Variants in DACH2 observed in about 807,000 individuals in gnomAD.
The protein encoded by DACH2 is dachshund homolog 2.
Under a neutral mutation model 35.8 loss-of-function variants are expected in DACH2, and 17 were observed. The ratio of observed to expected loss-of-function variants is 0.48; its 90% CI spans 0.33 to 0.71. The LOEUF (loss-of-function observed/expected upper bound fraction) is 0.71, where lower values mean the gene tolerates loss of function less well. Ranked by LOEUF, DACH2 falls within the 30% of genes least tolerant of loss-of-function variation. DACH2 has a pLI of 0.02. For synonymous variants in DACH2, 195 were observed against 177.3 expected (o/e 1.10, Z -0.79); for missense variants, 469 against 472.7 (o/e 0.99, Z 0.07).
At chrX:86,624,060 C>CAAAAAAAAAAAAA (rs34140706) in intron 3 of DACH2, among the ~76,000 whole-genome samples, 111 of 35,751 alleles carry the variant, frequency 3.1e-3, no homozygotes, top group Non-Finnish European at 3.7e-3. Flanking sequence ...AAAAACAAAA[C>CAAAAAAAAAAAAA]AAAAAAAAAA....
chrX:86,471,580 A>T lies in DACH2; in HGVS notation c.528-42699A>T, dbSNP rs774058709. Among the ~76,000 whole-genome samples the T allele has an allele frequency of 8.1e-5, 9 of 111,451 alleles. 1 individual carries two copies. The highest frequency in any genetic ancestry group is 7.7e-4 in the Admixed American group (8 of 10,407). ...TATTAGAGCTGCATGTCTCTGAAAG[A>T]TAAATAACCACCCCAAAAGATATGG... On this transcript the variant is annotated intron_variant, in intron 2 of 11. Coordinates refer to ENST00000373125, the MANE Select transcript of DACH2 (RefSeq NM_053281.3).
At chrX:86,613,496 T>C (rs1415620948) in intron 3 of DACH2, among the ~76,000 whole-genome samples, 2 of 111,943 alleles carry the variant, frequency 1.8e-5, no homozygotes, top group East Asian at 5.6e-4. Flanking sequence ...TAAAACCAAT[T>C]ATAAATTTTT....
At chrX:86,318,095 C>A (rs1267901199) in intron 1 of DACH2, among the ~76,000 whole-genome samples, 2 of 112,324 alleles carry the variant, frequency 1.8e-5, no homozygotes, top group African/African-American at 6.5e-5. Flanking sequence ...GTTGAGAATA[C>A]TTGCAACCAG....
At chrX:86,578,924 T>C (rs2039468825) in intron 3 of DACH2, among the ~76,000 whole-genome samples, 2 of 111,634 alleles carry the variant, frequency 1.8e-5, no homozygotes, top group Admixed American at 9.5e-5. Flanking sequence ...AATCAATATA[T>C]ATATTTCTAA....
chrX:86,284,639 TCCTC>T (rs200511847), intron 1 of DACH2, among the ~76,000 whole-genome samples: 20,692 of 110,075 alleles, frequency 0.19, 2,189 homozygotes, highest in African/African-American at 0.38. Context: ...GAAGCATTCT[TCCTC>T]CCCTATTTTT....
Position 86,695,142 on chromosome X carries a change from C to T in DACH2, c.894C>T (p.Thr298=). 2.7e-6 allele frequency: 3 copies of T among 1,106,772 alleles called. No homozygotes were observed. Among genetic ancestry groups the T allele is most frequent in the Non-Finnish European group, 3.6e-6 (3 of 841,946 alleles). The allele number at this position is 1,106,772 out of a possible 1,213,427, so 91.2% of individuals were successfully genotyped here. A position where few individuals can be genotyped will look rare whatever the true frequency, so the allele number is the denominator to read the frequency against. ...AGCCAGGCATTGGGGGTGCTCCAAC[C>T]CTCAATCCACTGCAGCAGAACCACC... ...AGQPGIGGAP[T]LNPLQQNHLL... is the part of the protein sequence containing the mutation. The change falls in exon 5 of 12, where the codon ACC becomes ACT. Residue 298 remains threonine (T), a synonymous_variant. Transcript: ENST00000373125.
chrX:86,625,191 C>G (rs2040119687), intron 3 of DACH2, among the ~76,000 whole-genome samples: 1 of 103,948 alleles, frequency 9.6e-6, no homozygotes, highest in South Asian at 4.9e-4. Context: ...TCCCATATCT[C>G]TATACAAAAA....
chrX:86,333,590 C>G (rs1188475010), intron 1 of DACH2, among the ~76,000 whole-genome samples: 1 of 111,384 alleles, frequency 9.0e-6, no homozygotes, highest in African/African-American at 3.3e-5. Flanking sequence ...AGACTTAAAT[C>G]AAATAAACCT....
intron 3 of DACH2, among the ~76,000 whole-genome samples, chrX:86,612,412 G>A (rs2039957024): frequency 9.0e-6 from 1 of 110,683 alleles, no homozygotes; most frequent in Middle Eastern, 4.7e-3. Context: ...ACAGCACTAG[G>A]AACTACATAA....
intron 1 of DACH2, among the ~76,000 whole-genome samples, chrX:86,176,635 G>A (rs2031313190): frequency 8.9e-6 from 1 of 111,753 alleles, no homozygotes; most frequent in Non-Finnish European, 1.9e-5. Flanking sequence ...TAAGAACTCT[G>A]AGAACTTGAC....
chrX:86,523,218 G>A (rs950433959), intron 3 of DACH2, among the ~76,000 whole-genome samples: 2 of 111,376 alleles, frequency 1.8e-5, no homozygotes, highest in Admixed American at 9.5e-5. Flanking sequence ...CACTCAACTC[G>A]GGATTAGCAA....
chrX:86,467,140 A>G lies in DACH2; in HGVS notation c.528-47139A>G, dbSNP rs752548774. ...TTTCTATCACATTGTCAGGCTGCAC[A>G]CTTTTTGAACTTTTATGCCCTGTTT... On this transcript the variant is annotated intron_variant, in intron 2 of 11. Coordinates refer to ENST00000373125, the MANE Select transcript of DACH2 (RefSeq NM_053281.3). Among the ~76,000 whole-genome samples, 6 of 111,970 alleles carry G rather than the reference A, an allele frequency of 5.4e-5. No homozygotes were observed. The Admixed American group carries it at 5.7e-4, about 11-fold the overall frequency.
chrX:86,380,360 T>C (rs765713024), intron 2 of DACH2, among the ~76,000 whole-genome samples: 3 of 110,463 alleles, frequency 2.7e-5, no homozygotes, highest in East Asian at 5.7e-4. Flanking sequence ...TTTGGGCCAA[T>C]ATATTTTATA....
intron 2 of DACH2, among the ~76,000 whole-genome samples, chrX:86,380,835 TA>T (rs2148108315): frequency 9.0e-6 from 1 of 110,764 alleles, no homozygotes; most frequent in South Asian, 3.7e-4. Flanking sequence ...TTTTTTGTTT[TA>T]AGATGTATCA....
At chrX:86,500,372 A>G (rs1329067572) in intron 2 of DACH2, among the ~76,000 whole-genome samples, 3 of 111,977 alleles carry the variant, frequency 2.7e-5, no homozygotes, top group African/African-American at 9.7e-5. Context: ...GCAAGCTTTG[A>G]GAAAAATCTC....
chrX:86,663,596 A>G (rs2040632025), intron 4 of DACH2, among the ~76,000 whole-genome samples: 1 of 111,840 alleles, frequency 8.9e-6, no homozygotes. Flanking sequence ...GATCCCAGAC[A>G]CAAACTCTGC....
At chrX:86,287,712 A>T (rs1298029919) in intron 1 of DACH2, among the ~76,000 whole-genome samples, 2 of 111,941 alleles carry the variant, frequency 1.8e-5, no homozygotes, top group East Asian at 5.6e-4. Flanking sequence ...TACATTTTTT[A>T]GCTCCAGAAT....
At chrX:86,360,157 ACT>A (rs1209903475) in intron 1 of DACH2, among the ~76,000 whole-genome samples, 2 of 111,245 alleles carry the variant, frequency 1.8e-5, no homozygotes, top group African/African-American at 3.3e-5. Flanking sequence ...ATTAAATATT[ACT>A]CATTTATATA....
chrX:86,600,215 A>T (rs765711759), intron 3 of DACH2, among the ~76,000 whole-genome samples: 3 of 111,887 alleles, frequency 2.7e-5, no homozygotes, highest in African/African-American at 9.7e-5. Flanking sequence ...TTTTTAATAA[A>T]TATTTTTTCT....
Sources: gnomAD v4.1 joint callset for allele counts (sites outside exome capture counted in the v4.1 genomes callset) on GRCh38, gnomAD v4.1.1 for gene constraint, MANE v1.5 for transcripts, NCBI Gene and HGNC (gene_info 2026-07-23, HGNC 2026-07-21) for gene names.